SAMD13: variants seen among roughly 807,000 people sequenced by gnomAD.
SAMD13 encodes sterile alpha motif domain-containing protein 13.
A neutral mutation model predicts 12.4 loss-of-function variants in SAMD13; 9 were observed. That is an observed-to-expected ratio of 0.72 (90% CI 0.44 to 1.26). The LOEUF (loss-of-function observed/expected upper bound fraction) is 1.26. SAMD13 is among the 50% of genes most tolerant of loss of function. The probability of loss-of-function intolerance (pLI) is 0.00; values close to 1 mark genes in which losing one functional copy is unlikely to be tolerated. For synonymous variants in SAMD13, 46 were observed against 45.4 expected, an observed-to-expected ratio of 1.01 and a Z score of -0.05; for missense variants, 84 against 119.6, an observed-to-expected ratio of 0.70 and a Z score of 1.39.
At chr1:84,313,453 T>G (rs1189856926) in intron 2 of SAMD13, among the ~76,000 whole-genome samples, 1 of 152,158 alleles carries the variant, frequency 6.6e-6, no homozygotes, top group Admixed American at 6.6e-5. Context: ...GCATATATAT[T>G]CAAATCATGA....
At chr1:84,326,123 C>T (rs761116332) in intron 3 of SAMD13, among the ~76,000 whole-genome samples, 2 of 152,186 alleles carry the variant, frequency 1.3e-5, no homozygotes, top group Non-Finnish European at 2.9e-5. Context: ...GAGAGACATA[C>T]ACCACCTCCT....
chr1:84,303,122 C>A, intron 1 of SAMD13, 81 bp from the exon 2 acceptor site: 1 of 1,037,134 alleles, frequency 9.6e-7, no homozygotes, highest in Non-Finnish European at 1.5e-6. Flanking sequence ...TAAAAGGGAC[C>A]ATTATGTTTC....
intron 3 of SAMD13, among the ~76,000 whole-genome samples, chr1:84,331,126 A>C (rs1280016362): frequency 3.3e-5 from 5 of 152,072 alleles, no homozygotes; most frequent in African/African-American, 1.2e-4. Context: ...TTATGGCTAC[A>C]TATTGCCAAG....
intron 3 of SAMD13, among the ~76,000 whole-genome samples, chr1:84,338,191 T>C (rs976337797): frequency 9.2e-5 from 14 of 152,152 alleles, no homozygotes; most frequent in African/African-American, 3.4e-4. Flanking sequence ...TTTGTGTATC[T>C]TTTCAGCAAT....
chr1:84,298,719 T>G, upstream of SAMD13: 2 of 732,386 alleles, frequency 2.7e-6, no homozygotes, highest in Non-Finnish European at 3.8e-6. Context: ...TGCAGCTCGT[T>G]GCACCCACGG....
intron 3 of SAMD13, among the ~76,000 whole-genome samples, chr1:84,337,255 T>C (rs1163525831): frequency 1.3e-5 from 2 of 151,932 alleles, no homozygotes; most frequent in Non-Finnish European, 2.9e-5. Flanking sequence ...ATATGGGAGC[T>C]CCCACCCCAC....
At chr1:84,312,400 T>A (rs1373840814) in intron 2 of SAMD13, among the ~76,000 whole-genome samples, 1 of 151,698 alleles carries the variant, frequency 6.6e-6, no homozygotes, top group Non-Finnish European at 1.5e-5. Flanking sequence ...TTTTAGATTT[T>A]AAAATTTTTC....
chr1:84,325,790 C>A (rs936348601), intron 3 of SAMD13, 42 bp downstream of exon 3: 1 of 1,162,162 alleles, frequency 8.6e-7, no homozygotes, highest in Non-Finnish European at 1.3e-6. Flanking sequence ...ATGTGATGAA[C>A]CCACAGTTAC....
intron 2 of SAMD13, among the ~76,000 whole-genome samples, chr1:84,314,129 G>A (rs918830084): frequency 3.3e-5 from 5 of 152,026 alleles, no homozygotes; most frequent in Admixed American, 1.3e-4. Context: ...AAAAGAACTT[G>A]TATAAAACAT....
At chr1:84,342,945 G>T (rs1679461162) in intron 3 of SAMD13, among the ~76,000 whole-genome samples, 1 of 152,104 alleles carries the variant, frequency 6.6e-6, no homozygotes, top group Non-Finnish European at 1.5e-5. Flanking sequence ...GAAAAATTTT[G>T]CAATCTCTCC....
At chr1:84,341,309 G>A (rs530124459) in intron 3 of SAMD13, among the ~76,000 whole-genome samples, 4 of 152,084 alleles carry the variant, frequency 2.6e-5, no homozygotes, top group Non-Finnish European at 4.4e-5. Flanking sequence ...TGGGGTAGAT[G>A]GGGATTGGTA....
intron 2 of SAMD13, among the ~76,000 whole-genome samples, chr1:84,304,874 T>C (rs1678533410): frequency 6.6e-6 from 1 of 152,172 alleles, no homozygotes; most frequent in South Asian, 2.1e-4. Context: ...TACTGAGTAA[T>C]ATTTCACTGT....
chr1:84,322,759 GTGCCCCGTTCCACGTTGCTGCTA>G (rs1157394451), intron 2 of SAMD13, among the ~76,000 whole-genome samples: 2 of 151,998 alleles, frequency 1.3e-5, no homozygotes, highest in East Asian at 3.9e-4. Flanking sequence ...ATATGAAAGA[GTGCCCCGTTCCACGTTGCTGCTA>G]TTCATGGTAC....
intron 3 of SAMD13, among the ~76,000 whole-genome samples, chr1:84,334,936 T>G (rs1421237610): frequency 6.6e-6 from 1 of 152,164 alleles, no homozygotes; most frequent in East Asian, 1.9e-4. Flanking sequence ...TTCCCTTTTT[T>G]TTAATTTTCT....
intron 2 of SAMD13, among the ~76,000 whole-genome samples, chr1:84,313,997 C>G (rs995909913): frequency 1.3e-5 from 2 of 151,942 alleles, no homozygotes; most frequent in African/African-American, 4.8e-5. Context: ...AAAGAAATTA[C>G]TATTTTTGCT....
At chr1:84,345,021 T>A (rs1167527555) in intron 3 of SAMD13, 1 of 456,574 alleles carries the variant, frequency 2.2e-6, no homozygotes, top group Non-Finnish European at 4.4e-6. Context: ...ATTCCACTCC[T>A]CCATCTTTGA....
chr1:84,341,912 A>G (rs1679435739), intron 3 of SAMD13, among the ~76,000 whole-genome samples: 1 of 152,206 alleles, frequency 6.6e-6, no homozygotes, highest in African/African-American at 2.4e-5. Context: ...TGGCTTAATT[A>G]TAGTAGAATT....
upstream of SAMD13, chr1:84,299,633 TGGAG>T (rs1024824998): frequency 4.7e-6 from 7 of 1,495,610 alleles, no homozygotes; most frequent in African/African-American, 1.4e-5. Context: ...AACAGTTTGT[TGGAG>T]GGAGTGTGTG....
intron 2 of SAMD13, among the ~76,000 whole-genome samples, chr1:84,316,992 T>A (rs751498550): frequency 6.6e-6 from 1 of 152,138 alleles, no homozygotes; most frequent in Non-Finnish European, 1.5e-5. Flanking sequence ...CCTAATTTCC[T>A]TTGCAGATAG....
Sources: allele counts gnomAD v4.1 joint callset (sites outside exome capture counted in the v4.1 genomes callset), GRCh38; gene constraint gnomAD v4.1.1; transcripts MANE v1.5; gene names NCBI Gene and HGNC (gene_info 2026-07-23, HGNC 2026-07-21).